CP: variants seen among roughly 807,000 people sequenced by gnomAD.
CP encodes ceruloplasmin.
In CP, 64 loss-of-function variants were observed where a neutral mutation model predicts 122.4. That is an observed-to-expected ratio of 0.52 (90% CI 0.43 to 0.64). CP has a LOEUF of 0.64. Among genes scored for constraint, CP ranks in the 30% least tolerant of loss-of-function variants. The probability of loss-of-function intolerance (pLI) is 0.00; values close to 1 mark genes in which losing one functional copy is unlikely to be tolerated. For missense variants in CP, 1,167 were observed against 1,284.4 expected (o/e 0.91, Z 1.40); for synonymous variants, 440 against 436.4 (o/e 1.01, Z -0.10).
At chr3:149,206,977 G>T (rs1024014499) in intron 5 of CP, among the ~76,000 whole-genome samples, 1 of 152,114 alleles carries the variant, frequency 6.6e-6, no homozygotes, top group Non-Finnish European at 1.5e-5. Flanking sequence ...GTTAAACTAA[G>T]GGATGGCCAG....
chr3:149,214,735 T>C (rs765066865), intron 1 of CP, among the ~76,000 whole-genome samples: 6 of 152,210 alleles, frequency 3.9e-5, no homozygotes, highest in Non-Finnish European at 7.3e-5. Context: ...GGCAAGACAC[T>C]GGGGTGAACT....
In CP at chr3:149,198,414, G is replaced by A. The variant is rs754569251; in HGVS notation, c.1666C>T (p.Pro556Ser). 23 of 1,613,240 alleles carry A rather than the reference G, an allele frequency of 1.4e-5. No individual in the cohort carries two copies. The South Asian group carries it at 2.5e-4, about 18-fold the overall frequency. ...TKDIFTGLIG[P>S]MKICKKGSLH... is the part of the protein sequence containing the mutation. Reference sequence around the variant, plus strand: ...CTTCCTTTCTTGCATATTTTCATTGGCCCAATAAGCCCAGTGAATATATCT... The same window carrying A: ...CTTCCTTTCTTGCATATTTTCATTGACCCAATAAGCCCAGTGAATATATCT... Residue 556 changes from proline (P) to serine (S), a missense_variant, in exon 9 of 19, where the codon CCA becomes TCA. Physicochemically the swap from Pro to Ser is moderately conservative, Grantham distance 74 (BLOSUM62 -1). Transcript: ENST00000264613.
At chr3:149,195,631 G>C (rs1428865809) in intron 9 of CP, among the ~76,000 whole-genome samples, 1 of 152,224 alleles carries the variant, frequency 6.6e-6, no homozygotes, top group East Asian at 1.9e-4. Context: ...AGAATAGGCA[G>C]AGGCAGGCGG....
chr3:149,163,144 A>G (rs746882955), intron 5 of CP, among the ~76,000 whole-genome samples: 1 of 152,166 alleles, frequency 6.6e-6, no homozygotes, highest in Non-Finnish European at 1.5e-5. Context: ...AAGCATGGAG[A>G]AAGGGACTTC....
intron 18 of CP, chr3:149,175,982 A>G (rs1576725061): frequency 6.9e-6 from 3 of 437,694 alleles, no homozygotes; most frequent in South Asian, 5.4e-5. Context: ...CTACTCCCTT[A>G]TATCAGCTTT....
downstream of CP, chr3:149,167,742 C>A: frequency 3.0e-6 from 2 of 664,448 alleles, no homozygotes; most frequent in South Asian, 3.4e-5. Context: ...AGACTGGCTG[C>A]TGATATAACT....
In CP at chr3:149,212,657, A is replaced by G. The variant is rs759185877; in HGVS notation, c.188T>C (p.Ile63Thr). The change falls in exon 2 of 19, where the codon ATT (isoleucine) becomes ACT (threonine). Residue 63 changes from isoleucine to threonine, a missense_variant. By Grantham distance (89) the Ile-to-Thr change is moderately conservative. Around this residue, in one of 2 missense-constraint regions of CP, gnomAD observed 642 missense variants for 627.3 expected, o/e 1.02. Transcript: ENST00000264613. ...AAGGGCCTTCTTATATAGTCTCCCA[A>G]TTCTATCTGGGCCATTTTGAAGATA... ...NIYLQNGPDR[I>T]GRLYKKALYL... 8.7e-6 allele frequency: 14 copies of G among 1,613,868 alleles called. No individual in the cohort carries two copies. The highest frequency in any genetic ancestry group is 1.7e-4 in the Middle Eastern group (1 of 6,058).
chr3:149,189,080 T>G (rs905019377), intron 9 of CP, among the ~76,000 whole-genome samples: 4 of 152,108 alleles, frequency 2.6e-5, no homozygotes, highest in Non-Finnish European at 5.9e-5. Context: ...GTAATAATTT[T>G]AGAAAGAAGT....
chr3:149,212,813 G>A (rs1728203439), intron 1 of CP, 115 bp from the exon 2 acceptor site: 2 of 1,304,840 alleles, frequency 1.5e-6, no homozygotes, highest in African/African-American at 3.0e-5. Flanking sequence ...CACATTGAAT[G>A]TTTGCCTGTT....
At chr3:149,188,919 T>A (rs1049758948) in intron 9 of CP, among the ~76,000 whole-genome samples, 1 of 152,132 alleles carries the variant, frequency 6.6e-6, no homozygotes, top group African/African-American at 2.4e-5. Context: ...TTCAGATACA[T>A]GATAAGGTGA....
At chr3:149,181,947 T>C in intron 14 of CP, 58 bp downstream of exon 14, 2 of 1,572,346 alleles carry the variant, frequency 1.3e-6, no homozygotes, top group Admixed American at 3.3e-5. Flanking sequence ...GAGTAATCTG[T>C]GGAAAGGCTG....
intron 12 of CP, among the ~76,000 whole-genome samples, chr3:149,184,025 CTTCTTTTTTTTTTTTT>C (rs1725973832): frequency 1.5e-5 from 1 of 66,306 alleles, no homozygotes; most frequent in Admixed American, 1.8e-4. Flanking sequence ...TTTTCACTTA[CTTCTTTTTTTTTTTTT>C]TTTTTTTTTT....
chr3:149,166,328 G>A (rs1383586041), intron 4 of CP, among the ~76,000 whole-genome samples: 1 of 152,088 alleles, frequency 6.6e-6, no homozygotes, highest in African/African-American at 2.4e-5. Context: ...TATGTATGTA[G>A]CACATGCTTA....
At chr3:149,197,582 GAGAA>G (rs1185194438) in intron 9 of CP, among the ~76,000 whole-genome samples, 1 of 151,978 alleles carries the variant, frequency 6.6e-6, no homozygotes, top group African/African-American at 2.4e-5. Context: ...TAAAAGCAGA[GAGAA>G]AGAAACATGT....
intron 7 of CP, among the ~76,000 whole-genome samples, chr3:149,200,677 CT>C (rs760942815): frequency 3.9e-3 from 553 of 141,972 alleles, no homozygotes; most frequent in Non-Finnish European, 4.2e-3. Context: ...CATTTTTGTA[CT>C]TTTTTTTTTT....
At chr3:149,213,079 C>T (rs1036401425) in intron 1 of CP, among the ~76,000 whole-genome samples, 9 of 152,232 alleles carry the variant, frequency 5.9e-5, no homozygotes, top group African/African-American at 1.7e-4. Context: ...TCACTTCTAC[C>T]TCTCTTAGCT....
At chr3:149,176,134 CA>C (rs1725400356) in intron 18 of CP, 115 bp downstream of exon 18, 1 of 1,001,416 alleles carries the variant, frequency 1.0e-6, no homozygotes, top group South Asian at 1.4e-5. Context: ...ATCAGGGCAG[CA>C]GATTCACAAA....
chr3:149,178,446 A>T lies in CP; in HGVS notation c.2847T>A (p.Asp949Glu). ...SDHPEKVNKD[D>E]EEFIESNKMH... ...TTTTATTGCTTTCTATGAATTCCTCATCATCTTTGTTTACTTTCTCGGGGT... is the reference window on the plus strand; with the variant it reads ...TTTTATTGCTTTCTATGAATTCCTCTTCATCTTTGTTTACTTTCTCGGGGT... Residue 949 changes from aspartate to glutamate, a missense_variant, in exon 16 of 19, where the codon GAT becomes GAA. Asp to Glu is a conservative substitution (Grantham distance 45). Around this residue, in one of 2 missense-constraint regions of CP, gnomAD observed 525 missense variants for 657.2 expected, o/e 0.80. Coordinates refer to ENST00000264613, the MANE Select transcript of CP (RefSeq NM_000096.4). 1 of 1,612,146 alleles carries T rather than the reference A, an allele frequency of 6.2e-7. No individual in the cohort carries two copies. The highest frequency in any genetic ancestry group is 8.5e-7 in the Non-Finnish European group (1 of 1,178,398).
At chr3:149,206,414 C>CT in intron 5 of CP, 75 bp from the exon 6 acceptor site, 1 of 1,528,598 alleles carries the variant, frequency 6.5e-7, no homozygotes, top group Admixed American at 1.7e-5. Flanking sequence ...AAACACTGCT[C>CT]GGGTGATGAC....
Sources: allele counts gnomAD v4.1 joint callset (sites outside exome capture counted in the v4.1 genomes callset), GRCh38; gene constraint gnomAD v4.1.1; regional missense constraint gnomAD v4.1.1; transcripts MANE v1.5; gene names NCBI Gene and HGNC (gene_info 2026-07-23, HGNC 2026-07-21).